The following TENM1 variants were observed in gnomAD, a reference collection of about 807,000 sequenced individuals.
The protein encoded by TENM1 is teneurin-1.
In TENM1, 35 loss-of-function variants were observed where a neutral mutation model predicts 174.8. That is an observed-to-expected ratio of 0.20 (90% CI 0.15 to 0.27). The LOEUF (loss-of-function observed/expected upper bound fraction) is 0.27, where lower values mean the gene tolerates loss of function less well. TENM1 is among the 10% of genes least tolerant of loss of function. The pLI is 1.00. For missense variants in TENM1, 1,633 were observed against 2,130.1 expected, an observed-to-expected ratio of 0.77 and a Z score of 4.59; for synonymous variants, 781 against 798.7, an observed-to-expected ratio of 0.98 and a Z score of 0.37.
At chrX:125,033,147 A>G in the TENM1 span, among the ~76,000 whole-genome samples, 1 of 111,860 alleles carries the variant, frequency 8.9e-6, no homozygotes. Flanking sequence ...TCTCCATCTC[A>G]AAGTGTGAGT....
At chrX:124,951,906 T>C (rs1388624416) in intron 1 of TENM1, among the ~76,000 whole-genome samples, 3 of 109,891 alleles carry the variant, frequency 2.7e-5, no homozygotes, top group African/African-American at 9.9e-5. Flanking sequence ...GTTAAATTGA[T>C]CAGGTATGTT....
chrX:125,054,533 T>TA, the TENM1 span, among the ~76,000 whole-genome samples: 228 of 110,636 alleles, frequency 2.1e-3, no homozygotes, highest in African/African-American at 7.1e-3. Context: ...GCAGTCAGTT[T>TA]AAAAAAAACC....
chrX:124,827,748 T>A (rs1447799585), intron 3 of TENM1, among the ~76,000 whole-genome samples: 1 of 111,866 alleles, frequency 8.9e-6, no homozygotes, highest in Non-Finnish European at 1.9e-5. Context: ...CCCTTATTAT[T>A]CCAAGAAGAG....
chrX:125,079,751 T>C, the TENM1 span, among the ~76,000 whole-genome samples: 1 of 111,567 alleles, frequency 9.0e-6, no homozygotes, highest in Non-Finnish European at 1.9e-5. Flanking sequence ...AGGAAAATGA[T>C]AAAAGCAAGA....
At chrX:124,468,753 T>C (rs1045973892) in intron 22 of TENM1, among the ~76,000 whole-genome samples, 2 of 112,394 alleles carry the variant, frequency 1.8e-5, no homozygotes, top group African/African-American at 6.5e-5. Context: ...CAGAACTGTA[T>C]GTATAATAAA....
the TENM1 span, among the ~76,000 whole-genome samples, chrX:125,178,660 C>T: frequency 0.037 from 4,109 of 111,434 alleles, 202 homozygotes; most frequent in African/African-American, 0.13. Flanking sequence ...AAGGAAGTAA[C>T]GTAGAGAAAG....
chrX:125,202,577 T>A, the TENM1 span, among the ~76,000 whole-genome samples: 3 of 111,465 alleles, frequency 2.7e-5, no homozygotes, highest in South Asian at 1.1e-3. Context: ...TATTAGCATA[T>A]CGCCAGTAGC....
chrX:124,864,036 C>A (rs1017583894), intron 3 of TENM1, among the ~76,000 whole-genome samples: 2 of 112,570 alleles, frequency 1.8e-5, no homozygotes, highest in African/African-American at 6.4e-5. Flanking sequence ...GCAAGAACCA[C>A]AGTATTACTG....
chrX:124,513,173 G>A (rs1336281671), intron 18 of TENM1, among the ~76,000 whole-genome samples: 2 of 111,911 alleles, frequency 1.8e-5, no homozygotes, highest in African/African-American at 6.5e-5. Flanking sequence ...ATAGGGCTGA[G>A]TTCCTTTCCA....
intron 3 of TENM1, among the ~76,000 whole-genome samples, chrX:124,761,789 A>G (rs750718988): frequency 8.9e-6 from 1 of 111,990 alleles, no homozygotes; most frequent in South Asian, 3.7e-4. Context: ...CCACGTATGT[A>G]CATACAAATA....
At chrX:125,036,057 G>A in the TENM1 span, among the ~76,000 whole-genome samples, 128 of 111,469 alleles carry the variant, frequency 1.1e-3, no homozygotes, top group African/African-American at 4.0e-3. Flanking sequence ...TAAAATGCAC[G>A]CTCTCACTAA....
At chrX:124,554,806 A>C (rs2048657986) in intron 14 of TENM1, among the ~76,000 whole-genome samples, 1 of 111,755 alleles carries the variant, frequency 8.9e-6, no homozygotes, top group African/African-American at 3.2e-5. Context: ...GCTTGCAAAT[A>C]GCTATTGCTC....
chrX:124,924,557 C>T (rs1423021641), intron 1 of TENM1, among the ~76,000 whole-genome samples: 3 of 111,490 alleles, frequency 2.7e-5, no homozygotes, highest in Non-Finnish European at 5.7e-5. Flanking sequence ...TTCCTATTTC[C>T]GTCCTTAAGA....
the TENM1 span, among the ~76,000 whole-genome samples, chrX:125,120,600 T>C: frequency 9.0e-6 from 1 of 111,253 alleles, no homozygotes; most frequent in African/African-American, 3.3e-5. Flanking sequence ...TGATCCCCTT[T>C]AGAAGGCTTC....
intron 3 of TENM1, among the ~76,000 whole-genome samples, chrX:124,748,363 G>A (rs2148572997): frequency 9.1e-6 from 1 of 109,514 alleles, no homozygotes; most frequent in Non-Finnish European, 1.9e-5. Context: ...TATAGAGAGA[G>A]AGATTATATA....
intron 3 of TENM1, among the ~76,000 whole-genome samples, chrX:124,792,932 G>A (rs1185529608): frequency 9.0e-6 from 1 of 111,391 alleles, no homozygotes; most frequent in South Asian, 3.7e-4. Context: ...TCTAAACATG[G>A]GCCCTAACAT....
the TENM1 span, among the ~76,000 whole-genome samples, chrX:125,097,227 A>G: frequency 8.9e-6 from 1 of 111,851 alleles, no homozygotes; most frequent in Non-Finnish European, 1.9e-5. Context: ...TTAGGTGAAA[A>G]GAAGTTGTTT....
At chrX:124,563,403 T>G (rs2048866398) in intron 13 of TENM1, among the ~76,000 whole-genome samples, 2 of 108,039 alleles carry the variant, frequency 1.9e-5, no homozygotes, top group Non-Finnish European at 3.8e-5. Flanking sequence ...TATTTAATAA[T>G]TATTAAATTA....
chrX:124,903,060 C>T (rs1280898429), intron 1 of TENM1, among the ~76,000 whole-genome samples: 1 of 111,759 alleles, frequency 8.9e-6, no homozygotes, highest in Non-Finnish European at 1.9e-5. Context: ...CTCCCATGTG[C>T]AAGACTGGAG....
Sources: gnomAD v4.1 joint callset for allele counts (sites outside exome capture counted in the v4.1 genomes callset) on GRCh38, gnomAD v4.1.1 for gene constraint, MANE v1.5 for transcripts, NCBI Gene and HGNC (gene_info 2026-07-23, HGNC 2026-07-21) for gene names.